MGA: variants seen among roughly 807,000 people sequenced by gnomAD.
MGA encodes MAX dimerization protein MGA.
Under a neutral mutation model 261.1 loss-of-function variants are expected in MGA, and 40 were observed. That is an observed-to-expected ratio of 0.15 (90% CI 0.12 to 0.20). The LOEUF (loss-of-function observed/expected upper bound fraction) is 0.20, where lower values mean the gene tolerates loss of function less well. Ranked by LOEUF, MGA falls within the 10% of genes least tolerant of loss-of-function variation. The pLI is 1.00. For missense variants in MGA, 3,397 were observed against 3,630.5 expected, an observed-to-expected ratio of 0.94 and a Z score of 1.65; for synonymous variants, 1,302 against 1,290.6, an observed-to-expected ratio of 1.01 and a Z score of -0.19.
intron 9 of MGA, 129 bp downstream of exon 9, chr15:41,713,625 C>G (rs2060487829): frequency 9.0e-6 from 10 of 1,105,270 alleles, no homozygotes; most frequent in Non-Finnish European, 1.2e-5. Context: ...TCTTATTATC[C>G]TTACATGCTC....
In MGA at chr15:41,727,397, C is replaced by T; in HGVS notation, c.3648C>T (p.Pro1216=). 1 of 1,612,738 alleles carries T rather than the reference C, an allele frequency of 6.2e-7. No homozygotes were observed. Among genetic ancestry groups the T allele is most frequent in the Non-Finnish European group, 8.5e-7 (1 of 1,179,180 alleles). The change falls in exon 10 of 24, where the codon CCC becomes CCT. Residue 1216 remains proline, a synonymous_variant. Coordinates refer to ENST00000219905, the MANE Select transcript of MGA (RefSeq NM_001164273.2). The stretch of plus-strand genomic sequence containing the variant: ...CTCCACGGTCATATACTCCCAAACC[C>T]AATCCTGTGGTAAGTCTGGAATTTA...
At chr15:41,716,468 GA>G (rs1334105504) in intron 9 of MGA, among the ~76,000 whole-genome samples, 1 of 151,726 alleles carries the variant, frequency 6.6e-6, no homozygotes, top group Non-Finnish European at 1.5e-5. Context: ...AAAAGAAAAA[GA>G]AAAAGGAGGG....
chr15:41,638,134 C>T (rs1341795855), intron 1 of MGA, among the ~76,000 whole-genome samples: 4 of 138,822 alleles, frequency 2.9e-5, no homozygotes, highest in African/African-American at 1.1e-4. Context: ...CCTCCGCCTC[C>T]TGGGTTCAAG....
chr15:41,698,555 A>C (rs964641737), intron 3 of MGA, among the ~76,000 whole-genome samples: 2 of 152,156 alleles, frequency 1.3e-5, no homozygotes, highest in African/African-American at 2.4e-5. Context: ...AAGCTATCTG[A>C]ATATAGGCTC....
chr15:41,750,121 G>A lies in MGA; in HGVS notation c.6514G>A (p.Glu2172Lys). The change falls in exon 17 of 24, where the codon GAA becomes AAA. Residue 2172 changes from glutamate (E) to lysine (K), a missense_variant. Glu to Lys is a moderately conservative substitution (Grantham distance 56). This residue lies in a region of MGA where 1,410 missense variants were observed against 1,386.4 expected (regional missense o/e 1.02). Coordinates refer to ENST00000219905, the MANE Select transcript of MGA (RefSeq NM_001164273.2). ...TGGAGACTCTCTGGAGAAAGACAGGGAAAGATGGAGAAAACATCTGAAGGG... is the reference window on the plus strand; with the variant it reads ...TGGAGACTCTCTGGAGAAAGACAGGAAAAGATGGAGAAAACATCTGAAGGG... 1 of 1,613,622 alleles carries A rather than the reference G, an allele frequency of 6.2e-7. No homozygotes were observed. Among genetic ancestry groups the A allele is most frequent in the African/African-American group, 1.3e-5 (1 of 74,974 alleles).
chr15:41,766,168 G>C lies in MGA; in HGVS notation c.8086G>C (p.Glu2696Gln). Reference sequence around the variant, plus strand: ...CGTCAGGAATGAAGATAATTCCTTAGAGGATAAGGGTAGAATCTCTTCCAG... The same window carrying C: ...CGTCAGGAATGAAGATAATTCCTTACAGGATAAGGGTAGAATCTCTTCCAG... The change falls in exon 24 of 24, where the codon GAG becomes CAG. Residue 2696 changes from glutamate (E) to glutamine (Q), a missense_variant. This residue lies in a region of MGA where 647 missense variants were observed against 642.4 expected (regional missense o/e 1.01). Coordinates refer to ENST00000219905, the MANE Select transcript of MGA (RefSeq NM_001164273.2). The C allele has an allele frequency of 1.2e-6, 2 of 1,614,022 alleles. No homozygotes were observed. Among genetic ancestry groups the C allele is most frequent in the Non-Finnish European group, 8.5e-7 (1 of 1,179,898 alleles).
intron 2 of MGA, among the ~76,000 whole-genome samples, chr15:41,693,827 C>T (rs534324806): frequency 1.4e-3 from 206 of 152,048 alleles, no homozygotes; most frequent in Non-Finnish European, 2.6e-3. Flanking sequence ...AGGCAAGTAA[C>T]GTCAATATAG....
At chr15:41,722,156 G>A (rs972106618) in intron 9 of MGA, among the ~76,000 whole-genome samples, 1 of 115,720 alleles carries the variant, frequency 8.6e-6, no homozygotes, top group Non-Finnish European at 1.6e-5. Context: ...TTGAGACGGA[G>A]TCTTGCTCTC....
At chr15:41,638,070 T>C (rs2056745643) in intron 1 of MGA, among the ~76,000 whole-genome samples, 1 of 117,192 alleles carries the variant, frequency 8.5e-6, no homozygotes, top group South Asian at 3.5e-4. Flanking sequence ...TGGGACACAG[T>C]CTTGCTCTGT....
chr15:41,750,727 A>G (rs751336975), intron 17 of MGA, 112 bp downstream of exon 17: 9 of 985,316 alleles, frequency 9.1e-6, no homozygotes, highest in African/African-American at 1.6e-5. Flanking sequence ...TTGGATGCCT[A>G]GGTTTAAGAT....
intron 1 of MGA, among the ~76,000 whole-genome samples, chr15:41,625,251 G>A (rs2056420315): frequency 6.6e-6 from 1 of 152,046 alleles, no homozygotes; most frequent in Non-Finnish European, 1.5e-5. Flanking sequence ...TGTCTAGTTG[G>A]CAGAAACATG....
chr15:41,657,212 T>TA (rs536452229), upstream of MGA, among the ~76,000 whole-genome samples: 21 of 152,190 alleles, frequency 1.4e-4, no homozygotes, highest in Non-Finnish European at 3.1e-4. Flanking sequence ...GTGGCAATCA[T>TA]ACTTTGCCCC....
chr15:41,712,170 T>C lies in MGA; in HGVS notation c.3084+821T>C, dbSNP rs188483140. On this transcript the variant is annotated intron_variant, in intron 8 of 23. Transcript: ENST00000219905. ...GTTGCAGGAAGGAATTTTTGATCTA[T>C]TGATGATGTACCTATCTTAGCAGCC... Among the ~76,000 whole-genome samples the C allele has an allele frequency of 9.8e-4, 149 of 152,312 alleles. 1 individual carries two copies. The highest frequency in any genetic ancestry group is 3.3e-3 in the African/African-American group (138 of 41,582).
chr15:41,740,304 T>C, intron 14 of MGA, 101 bp downstream of exon 14: 1 of 1,258,900 alleles, frequency 7.9e-7, no homozygotes, highest in African/African-American at 1.5e-5. Flanking sequence ...ATATGTACTT[T>C]GGCATTATTC....
chr15:41,701,633 T>A (rs2059860448), intron 5 of MGA, among the ~76,000 whole-genome samples: 1 of 152,122 alleles, frequency 6.6e-6, no homozygotes, highest in Admixed American at 6.6e-5. Context: ...TGGATTGTTG[T>A]CATATGGAAA....
intron 2 of MGA, among the ~76,000 whole-genome samples, chr15:41,685,492 A>T (rs72724130): frequency 0.034 from 5,127 of 152,018 alleles, 130 homozygotes; most frequent in Non-Finnish European, 0.052. Context: ...CTGTGAAAAA[A>T]CCCGCTGGAA....
intron 1 of MGA, among the ~76,000 whole-genome samples, chr15:41,649,529 T>TCAGGAA (rs1375942008): frequency 1.3e-5 from 2 of 152,180 alleles, no homozygotes; most frequent in East Asian, 3.8e-4. Context: ...CGTATCATGG[T>TCAGGAA]CAGGAAGGTC....
Position 41,672,304 on chromosome 15 carries a change from C to T in MGA, c.1064+2346C>T, listed in dbSNP as rs150312710. On this transcript the variant is annotated intron_variant, in intron 2 of 23. Coordinates refer to ENST00000219905, the MANE Select transcript of MGA (RefSeq NM_001164273.2). ...GAATAGCTGGGACTACAGGCATGCA[C>T]CACCATCCCTGGCTAATTTTTTGTA... Among the ~76,000 whole-genome samples the T allele has an allele frequency of 7.9e-4, 121 of 152,258 alleles. 2 individuals are homozygous for T. The East Asian group carries it at 0.013, about 16-fold the overall frequency.
intron 1 of MGA, among the ~76,000 whole-genome samples, chr15:41,625,395 A>C (rs2056424769): frequency 6.6e-6 from 1 of 152,096 alleles, no homozygotes; most frequent in East Asian, 1.9e-4. Context: ...AGAAAAAAAA[A>C]ATTGAACAAG....
Sources: allele counts gnomAD v4.1 joint callset (sites outside exome capture counted in the v4.1 genomes callset), GRCh38; gene constraint gnomAD v4.1.1; regional missense constraint gnomAD v4.1.1; transcripts MANE v1.5; gene names NCBI Gene and HGNC (gene_info 2026-07-23, HGNC 2026-07-21).